The following SENP6 variants were observed in gnomAD, a reference collection of about 807,000 sequenced individuals.
SENP6 encodes the protein sentrin-specific protease 6.
Under a neutral mutation model 134.5 loss-of-function variants are expected in SENP6, and 41 were observed. That is an observed-to-expected ratio of 0.30 (90% CI 0.24 to 0.40). The LOEUF is 0.40. Among genes scored for constraint, SENP6 ranks in the 10% least tolerant of loss-of-function variants. The pLI is 1.00. For missense variants in SENP6, 1,248 were observed against 1,312.5 expected (o/e 0.95, Z 0.76); for synonymous variants, 395 against 429.8 (o/e 0.92, Z 1.00).
intron 6 of SENP6, among the ~76,000 whole-genome samples, chr6:75,641,572 T>C (rs1277151122): frequency 6.6e-6 from 1 of 152,228 alleles, no homozygotes; most frequent in African/African-American, 2.4e-5. Flanking sequence ...GTTGTTCTTT[T>C]AGAGGATATT....
At chr6:75,638,631 T>A (rs1250155971) in intron 5 of SENP6, among the ~76,000 whole-genome samples, 2 of 108,760 alleles carry the variant, frequency 1.8e-5, no homozygotes, top group Non-Finnish European at 3.7e-5. Context: ...TATTTTTTTT[T>A]TTTTTTTTTT....
chr6:75,670,287 A>T (rs75072188), intron 10 of SENP6, among the ~76,000 whole-genome samples: 6,668 of 152,296 alleles, frequency 0.044, 241 homozygotes, highest in East Asian at 0.11. Flanking sequence ...GTTTGAATCC[A>T]GGCAGTCTGA....
intron 7 of SENP6, among the ~76,000 whole-genome samples, chr6:75,652,571 T>C (rs1770954197): frequency 1.3e-5 from 2 of 149,146 alleles, no homozygotes; most frequent in African/African-American, 4.9e-5. Flanking sequence ...GCGCGGTGGC[T>C]CACGCCTGTA....
At chr6:75,640,584 A>C (rs897276565) in intron 5 of SENP6, 100 bp from the exon 6 acceptor site, 4 of 516,810 alleles carry the variant, frequency 7.7e-6, no homozygotes, top group African/African-American at 2.0e-5. Flanking sequence ...AGTTGATCAC[A>C]GTATAATTTT....
intron 18 of SENP6, chr6:75,697,796 TCTAG>T (rs558067367): frequency 4.9e-5 from 14 of 283,560 alleles, no homozygotes; most frequent in African/African-American, 2.8e-4. Flanking sequence ...GTGCTTATTG[TCTAG>T]CAAGTAACCT....
At chr6:75,638,612 ATATATATATATTTT>A (rs1160826099) in intron 5 of SENP6, among the ~76,000 whole-genome samples, 94 of 38,514 alleles carry the variant, frequency 2.4e-3, no homozygotes, top group African/African-American at 9.4e-3. Flanking sequence ...ATATATATAT[ATATATATATATTTT>A]TTTTTTTTTT....
chr6:75,677,121 T>C lies in SENP6; in HGVS notation c.1713T>C (p.Gly571=). The change falls in exon 14 of 24, where the codon GGT becomes GGC. Residue 571 remains glycine (G), a synonymous_variant. Coordinates refer to ENST00000447266, the MANE Select transcript of SENP6 (RefSeq NM_015571.4). ...TTGAAAGTATCATTAATGAAATTGG[T>C]ATAAAGAATAACATCTCCAATTTTT... ...MVFESIINEI[G]IKNNISNFFA... is the part of the protein sequence containing the mutation. The C allele has an allele frequency of 6.2e-7, 1 of 1,609,672 alleles. No homozygotes were observed.
chr6:75,637,758 G>T (rs911314958), intron 5 of SENP6, among the ~76,000 whole-genome samples: 4 of 152,200 alleles, frequency 2.6e-5, no homozygotes, highest in African/African-American at 9.6e-5. Context: ...CAACTTAGGG[G>T]GATATGGATG....
chr6:75,669,982 G>A (rs1304746250), intron 10 of SENP6, among the ~76,000 whole-genome samples: 1 of 152,038 alleles, frequency 6.6e-6, no homozygotes, highest in Non-Finnish European at 1.5e-5. Flanking sequence ...TGCCCAGGCT[G>A]GAGTGCGGTG....
chr6:75,699,727 C>T (rs923100851), intron 18 of SENP6, among the ~76,000 whole-genome samples: 5 of 152,082 alleles, frequency 3.3e-5, no homozygotes, highest in South Asian at 4.2e-4. Context: ...AGAGCCGAAG[C>T]GGTCCACCTG....
At chr6:75,652,575 G>A (rs1006424264) in intron 7 of SENP6, among the ~76,000 whole-genome samples, 1 of 148,604 alleles carries the variant, frequency 6.7e-6, no homozygotes, top group African/African-American at 2.5e-5. Context: ...GGTGGCTCAC[G>A]CCTGTAATCC....
At chr6:75,662,615 A>G (rs777954021) in intron 8 of SENP6, among the ~76,000 whole-genome samples, 1 of 152,174 alleles carries the variant, frequency 6.6e-6, no homozygotes, top group Non-Finnish European at 1.5e-5. Flanking sequence ...TATTCAGCAT[A>G]GTGTATCTGC....
Position 75,624,515 on chromosome 6 carries a change from T to C in SENP6, c.207+555T>C, listed in dbSNP as rs16886772. On this transcript the variant is annotated intron_variant, in intron 3 of 23. Coordinates refer to ENST00000447266, the MANE Select transcript of SENP6 (RefSeq NM_015571.4). Reference sequence around the variant, plus strand: ...CAGATTTACACTTGTTCCATCGATATCTGAACGTATCTGTTTCCCCACACA... The same window carrying C: ...CAGATTTACACTTGTTCCATCGATACCTGAACGTATCTGTTTCCCCACACA... Among the ~76,000 whole-genome samples the C allele has an allele frequency of 3.7e-3, 566 of 152,304 alleles. 13 individuals carry two copies. Among genetic ancestry groups the C allele is most frequent in the East Asian group, 0.028 (145 of 5,182 alleles).
chr6:75,632,130 A>G (rs1769158490), intron 3 of SENP6, among the ~76,000 whole-genome samples: 1 of 152,226 alleles, frequency 6.6e-6, no homozygotes, highest in African/African-American at 2.4e-5. Context: ...GCCCTGGTGC[A>G]TTTTTATGAA....
At chr6:75,663,055 T>C (rs1281183403) in intron 8 of SENP6, among the ~76,000 whole-genome samples, 166 bp from the exon 9 acceptor site, 1 of 152,216 alleles carries the variant, frequency 6.6e-6, no homozygotes, top group East Asian at 1.9e-4. Flanking sequence ...GGACTTAATT[T>C]TGAGACTTTG....
chr6:75,664,451 C>T (rs959115622), intron 9 of SENP6, among the ~76,000 whole-genome samples: 1 of 151,986 alleles, frequency 6.6e-6, no homozygotes, highest in African/African-American at 2.4e-5. Context: ...AAGCATTTTA[C>T]ATACCATTTG....
At chr6:75,702,375 G>A (rs1302492598) in intron 18 of SENP6, among the ~76,000 whole-genome samples, 5 of 151,772 alleles carry the variant, frequency 3.3e-5, no homozygotes, top group South Asian at 2.1e-4. Flanking sequence ...ACACCACTGC[G>A]CCTGGCTAAT....
chr6:75,669,596 T>A lies in SENP6; in HGVS notation c.1225-957T>A, dbSNP rs144149117. Reference sequence around the variant, plus strand: ...AAGATACTAATATAATTACTTGTAATTAAAATTACATACCTATATGAAGTG... The same window carrying A: ...AAGATACTAATATAATTACTTGTAAATAAAATTACATACCTATATGAAGTG... On this transcript the variant is annotated intron_variant, in intron 10 of 23. Coordinates refer to ENST00000447266, the MANE Select transcript of SENP6 (RefSeq NM_015571.4). Among the ~76,000 whole-genome samples, 995 of 152,286 alleles carry A rather than the reference T, an allele frequency of 6.5e-3. 6 individuals are homozygous for A. The highest frequency in any genetic ancestry group is 0.041 in the Middle Eastern group (12 of 294).
intron 1 of SENP6, among the ~76,000 whole-genome samples, chr6:75,603,219 T>C (rs1766771296): frequency 6.6e-6 from 1 of 152,220 alleles, no homozygotes; most frequent in Non-Finnish European, 1.5e-5. Context: ...TGAGTTTTAC[T>C]CACTCGTGAG....
Sources: gnomAD v4.1 joint callset for allele counts (sites outside exome capture counted in the v4.1 genomes callset) on GRCh38, gnomAD v4.1.1 for gene constraint, MANE v1.5 for transcripts, NCBI Gene and HGNC (gene_info 2026-07-23, HGNC 2026-07-21) for gene names.